Variants in GNB2 observed in about 807,000 individuals in gnomAD.
The protein encoded by GNB2 is guanine nucleotide-binding protein G(I)/G(S)/G(T) subunit beta-2.
A neutral mutation model predicts 40.7 loss-of-function variants in GNB2; 7 were observed. The ratio of observed to expected loss-of-function variants is 0.17; its 90% CI spans 0.10 to 0.32. The LOEUF (loss-of-function observed/expected upper bound fraction) is 0.32. GNB2 is among the 10% of genes least tolerant of loss of function. The pLI is 1.00. For missense variants in GNB2, 286 were observed against 473.0 expected, an observed-to-expected ratio of 0.60 and a Z score of 3.67; for synonymous variants, 254 against 191.2, an observed-to-expected ratio of 1.33 and a Z score of -2.71.
At chr7:100,678,366 C>T in intron 8 of GNB2, 32 bp from the exon 9 acceptor site, 1 of 1,606,020 alleles carries the variant, frequency 6.2e-7, no homozygotes, top group Non-Finnish European at 8.5e-7. Context: ...CTCACCCTCA[C>T]CCTCACCCCA....
chr7:100,677,991 C>T, intron 7 of GNB2, 107 bp from the exon 8 acceptor site: 3 of 1,093,936 alleles, frequency 2.7e-6, no homozygotes, highest in Non-Finnish European at 1.4e-6. Context: ...AGAAGAGCCT[C>T]CCTGGACCCT....
chr7:100,675,972 T>C lies in GNB2; in HGVS notation c.-89-205T>C. ...TTCCTCTTGCACTTCCCGCTCCGTT[T>C]CCGGGGGGCGGGAGGAAGATTGGGG... On this transcript the variant is annotated intron_variant, in intron 1 of 9. Transcript: ENST00000303210. The C allele has an allele frequency of 9.4e-6, 4 of 427,712 alleles. No homozygotes were observed. The South Asian group carries it at 1.6e-4, about 17-fold the overall frequency. The allele number at this position is 427,712 out of a possible 1,614,324, so 26.5% of individuals were successfully genotyped here. A position where few individuals can be genotyped will look rare whatever the true frequency, so the allele number is the denominator to read the frequency against.
At chr7:100,674,847 CTGCTA>C (rs779351982) in intron 1 of GNB2, among the ~76,000 whole-genome samples, 1 of 152,202 alleles carries the variant, frequency 6.6e-6, no homozygotes, top group Non-Finnish European at 1.5e-5. Flanking sequence ...CAGGCCTGGG[CTGCTA>C]GTAGGTGGAA....
intron 2 of GNB2, 62 bp downstream of exon 2, chr7:100,676,384 T>G: frequency 7.2e-7 from 1 of 1,383,050 alleles, no homozygotes; most frequent in Non-Finnish European, 1.0e-6. Context: ...TGGACCGGGT[T>G]GGGTGAGGGT....
Position 100,677,573 on chromosome 7 carries a change from G to T in GNB2, c.343G>T (p.Gly115Trp). 1 of 1,613,376 alleles carries T rather than the reference G, an allele frequency of 6.2e-7. No individual in the cohort carries two copies. Among genetic ancestry groups the T allele is most frequent in the East Asian group, 2.2e-5 (1 of 44,888 alleles). ...YAPSGNFVAC[G>W]GLDNICSIYS... Reference sequence around the variant, plus strand: ...GCCCTCAGGGAACTTTGTGGCCTGTGGGGGGTTGGACAACATCTGCTCCAT... The same window carrying T: ...GCCCTCAGGGAACTTTGTGGCCTGTTGGGGGTTGGACAACATCTGCTCCAT... Residue 115 changes from glycine (G) to tryptophan (W), a missense_variant, in exon 6 of 10, where the codon GGG (glycine) becomes TGG (tryptophan). Transcript: ENST00000303210.
Position 100,676,549 on chromosome 7 carries a change from A to C in GNB2, c.72A>C (p.Ala24=). ...ATCCCTTACAGGATGCCCGAAAAGC[A>C]TGTGGGGACTCAACACTGACCCAGG... ...LRNQIRDARK[A]CGDSTLTQIT... The change falls in exon 3 of 10, where the codon GCA becomes GCC. Residue 24 remains alanine (A), a synonymous_variant. Coordinates refer to ENST00000303210, the MANE Select transcript of GNB2 (RefSeq NM_005273.4). 6.2e-7 allele frequency: 1 copy of C among 1,612,110 alleles called. No individual in the cohort carries two copies.
At position 100,676,809 on chromosome 7, in the gene GNB2, TGTGC is replaced by T; in HGVS notation, c.203+12_203+15del. Reference sequence around the variant, plus strand: ...GGGGGACCGACTCAAGGTGTGTGTGTGTGCGCGGGCTGGCGCTGTGGGCCGACTT... The same window carrying T: ...GGGGGACCGACTCAAGGTGTGTGTGTGCGGGCTGGCGCTGTGGGCCGACTT... On this transcript the variant is annotated intron_variant, in intron 4 of 9. Transcript: ENST00000303210. 1.3e-6 allele frequency: 2 copies of T among 1,515,316 alleles called. No individual in the cohort carries two copies. The highest frequency in any genetic ancestry group is 1.8e-6 in the Non-Finnish European group (2 of 1,111,392). The allele number at this position is 1,515,316 out of a possible 1,614,324, so 93.9% of individuals were successfully genotyped here. A position where few individuals can be genotyped will look rare whatever the true frequency, so the allele number is the denominator to read the frequency against.
In GNB2 at chr7:100,679,144, A is replaced by C; in HGVS notation, c.*343A>C. 1 of 223,732 alleles carries C rather than the reference A, an allele frequency of 4.5e-6. No homozygotes were observed. Among genetic ancestry groups the C allele is most frequent in the Non-Finnish European group, 8.9e-6 (1 of 112,392 alleles). The allele number at this position is 223,732 out of a possible 1,614,324, so 13.9% of individuals were successfully genotyped here. On this transcript the variant is annotated 3_prime_UTR_variant, in exon 10 of 10. Transcript: ENST00000303210. ...TTTTTATTATATTTTCAGTTTTTCC[A>C]TAAAGGAGCCAATTCCAACTCTGTA...
rs1294001093 is a variant in GNB2 at position 100,678,955 on chromosome 7, GC to G, written c.*159del. ...CCACCCAGGTTTGGTTCCTCCCGGGGCCCCCACTGTGGAGATAAGAAGGGGA... is the reference window on the plus strand; with the variant it reads ...CCACCCAGGTTTGGTTCCTCCCGGGGCCCCACTGTGGAGATAAGAAGGGGA... On this transcript the variant is annotated 3_prime_UTR_variant, in exon 10 of 10. Transcript: ENST00000303210. 8 of 624,906 alleles carry G rather than the reference GC, an allele frequency of 1.3e-5. No homozygotes were observed. Among genetic ancestry groups the G allele is most frequent in the Non-Finnish European group, 2.3e-5 (8 of 350,958 alleles). 38.7% of individuals were successfully genotyped at this position (624,906 alleles called of 1,614,324 possible).
At chr7:100,674,949 C>T (rs1804317689) in intron 1 of GNB2, among the ~76,000 whole-genome samples, 1 of 152,158 alleles carries the variant, frequency 6.6e-6, no homozygotes, top group Non-Finnish European at 1.5e-5. Context: ...CACCCCTTGG[C>T]ACTGGCGTAG....
chr7:100,677,456 G>T (rs752216698), intron 5 of GNB2, 41 bp downstream of exon 5: 2 of 1,613,114 alleles, frequency 1.2e-6, no homozygotes, highest in East Asian at 2.2e-5. Context: ...GGGCCACAGG[G>T]CCCTGGCTGG....
At chr7:100,676,454 T>C (rs113166124) in intron 2 of GNB2, 81 bp from the exon 3 acceptor site, 1 of 1,350,676 alleles carries the variant, frequency 7.4e-7, no homozygotes, top group Non-Finnish European at 1.1e-6. Flanking sequence ...CCCTGTCCAC[T>C]CCTGTCTTCT....
chr7:100,677,447 G>C, intron 5 of GNB2, 32 bp downstream of exon 5: 2 of 1,613,066 alleles, frequency 1.2e-6, no homozygotes, highest in Non-Finnish European at 1.7e-6. Flanking sequence ...GGTGGGGCAG[G>C]GCCACAGGGC....
chr7:100,676,443 AC>A, intron 2 of GNB2, 91 bp from the exon 3 acceptor site: 1 of 1,310,836 alleles, frequency 7.6e-7, no homozygotes, highest in Non-Finnish European at 1.1e-6. Context: ...TCAGAATCTG[AC>A]CCTGTCCACT....
At chr7:100,674,603 C>T (rs1804310332) in intron 1 of GNB2, among the ~76,000 whole-genome samples, 3 of 152,196 alleles carry the variant, frequency 2.0e-5, no homozygotes, top group Admixed American at 2.0e-4. Context: ...CAGCCCGCGC[C>T]TTCCAGCTGC....
intron 7 of GNB2, 105 bp downstream of exon 7, chr7:100,677,923 C>T: frequency 1.8e-6 from 2 of 1,117,044 alleles, no homozygotes; most frequent in Non-Finnish European, 2.6e-6. Flanking sequence ...GCCTCCCTCT[C>T]CTGGTGGGCG....
chr7:100,674,688 A>G (rs993948300), intron 1 of GNB2, among the ~76,000 whole-genome samples: 2 of 151,872 alleles, frequency 1.3e-5, no homozygotes, highest in Admixed American at 6.5e-5. Flanking sequence ...TCATTTCTCT[A>G]TGGAGCGCCG....
chr7:100,676,826 T>A, intron 4 of GNB2, 27 bp downstream of exon 4: 1 of 1,354,368 alleles, frequency 7.4e-7, no homozygotes, highest in Non-Finnish European at 1.0e-6. Context: ...GGGCTGGCGC[T>A]GTGGGCCGAC....
chr7:100,677,278 T>C, intron 4 of GNB2, 74 bp from the exon 5 acceptor site: 1 of 1,194,772 alleles, frequency 8.4e-7, no homozygotes, highest in Non-Finnish European at 1.2e-6. Context: ...CCCTACCTTC[T>C]CCCACCCAAA....
Sources: gnomAD v4.1 joint callset for allele counts (sites outside exome capture counted in the v4.1 genomes callset) on GRCh38, gnomAD v4.1.1 for gene constraint, MANE v1.5 for transcripts, NCBI Gene and HGNC (gene_info 2026-07-23, HGNC 2026-07-21) for gene names.